The following VASH1 variants were observed in gnomAD, a reference collection of about 807,000 sequenced individuals.
The protein encoded by VASH1 is tubulinyl-Tyr carboxypeptidase 1.
Under a neutral mutation model 35.0 loss-of-function variants are expected in VASH1, and 16 were observed. The observed-to-expected ratio is 0.46, with a 90% CI of 0.31 to 0.70. The LOEUF is 0.70. VASH1 is among the 30% of genes least tolerant of loss of function. VASH1 has a pLI of 0.05. For synonymous variants in VASH1, 214 were observed against 200.9 expected (o/e 1.07, Z -0.55); for missense variants, 505 against 510.7 (o/e 0.99, Z 0.11).
chr14:76,776,678 T>C (rs1893955111), intron 5 of VASH1, among the ~76,000 whole-genome samples: 2 of 152,038 alleles, frequency 1.3e-5, no homozygotes, highest in Non-Finnish European at 2.9e-5. Context: ...TGGAAGACAA[T>C]GAGGGCAGTG....
Position 76,762,524 on chromosome 14 carries a change from GT to G in VASH1, c.-296del. 1 of 260,310 alleles carries G rather than the reference GT, an allele frequency of 3.8e-6. No homozygotes were observed. 16.1% of individuals were successfully genotyped at this position (260,310 alleles called of 1,614,324 possible). ...ACTGCTGCCCGTCATTGTTCTCGCA[GT>G]TAGATGGGGGTGCTTTGTGACGGCT... On this transcript the variant is annotated 5_prime_UTR_variant, in exon 1 of 7. Transcript: ENST00000167106.
chr14:76,762,159 A>C lies in VASH1; in HGVS notation c.-663A>C, dbSNP rs1893520700. The C allele has an allele frequency of 6.6e-6, 1 of 151,910 alleles. No homozygotes were observed. The highest frequency in any genetic ancestry group is 1.5e-5 in the Non-Finnish European group (1 of 67,950). The allele number at this position is 151,910 out of a possible 1,614,324, so 9.4% of individuals were successfully genotyped here. On this transcript the variant is annotated 5_prime_UTR_variant, in exon 1 of 7. Coordinates refer to ENST00000167106, the MANE Select transcript of VASH1 (RefSeq NM_014909.5). ...TGCAGGGAGTTGGCCGCAGGCGGGG[A>C]ATGTGCGCGTCGGCGCGCGCCCCCT...
chr14:76,776,524 T>C (rs1403463526), intron 5 of VASH1, among the ~76,000 whole-genome samples: 2 of 152,032 alleles, frequency 1.3e-5, no homozygotes, highest in Non-Finnish European at 2.9e-5. Flanking sequence ...TGGTGGAGAA[T>C]CACGGCCTGT....
chr14:76,767,331 T>C (rs547421125), intron 1 of VASH1, among the ~76,000 whole-genome samples: 2 of 152,242 alleles, frequency 1.3e-5, no homozygotes, highest in East Asian at 1.9e-4. Context: ...ATAGTGATGA[T>C]CTAGTTGGAG....
At chr14:76,777,516 A>T (rs182146371) in intron 5 of VASH1, among the ~76,000 whole-genome samples, 1 of 151,824 alleles carries the variant, frequency 6.6e-6, no homozygotes, top group African/African-American at 2.4e-5. Context: ...ATAAAGGATG[A>T]CTCTTTTGTT....
intron 1 of VASH1, 124 bp downstream of exon 1, chr14:76,763,254 T>C: frequency 9.8e-7 from 1 of 1,016,320 alleles, no homozygotes; most frequent in South Asian, 3.4e-5. Flanking sequence ...ATCTTTAAAA[T>C]GCAGTGATAT....
chr14:76,775,279 A>G (rs896061308), intron 4 of VASH1, among the ~76,000 whole-genome samples: 1 of 152,166 alleles, frequency 6.6e-6, no homozygotes, highest in Non-Finnish European at 1.5e-5. Flanking sequence ...TTTGGCAGGC[A>G]GGGGAAAAGG....
chr14:76,768,664 G>C (rs1329245766), intron 1 of VASH1, among the ~76,000 whole-genome samples: 1 of 152,080 alleles, frequency 6.6e-6, no homozygotes, highest in African/African-American at 2.4e-5. Flanking sequence ...TAAAAAGCTG[G>C]GCTGGCATCT....
In VASH1 at chr14:76,761,603, T is replaced by G. The variant is rs888705748; in HGVS notation, c.-1219T>G. Among the ~76,000 whole-genome samples, 4 of 151,908 alleles carry G rather than the reference T, an allele frequency of 2.6e-5. No individual in the cohort carries two copies. Among genetic ancestry groups the G allele is most frequent in the Non-Finnish European group, 4.4e-5 (3 of 67,950 alleles). On this transcript the variant is annotated 5_prime_UTR_variant, in exon 1 of 7. Coordinates refer to ENST00000167106, the MANE Select transcript of VASH1 (RefSeq NM_014909.5). Reference sequence around the variant, plus strand: ...CAGCGATCGGCTGGTGGGCTTCTCGTTGGCGGGCTCCGCGTTGGCGGGCTG... The same window carrying G: ...CAGCGATCGGCTGGTGGGCTTCTCGGTGGCGGGCTCCGCGTTGGCGGGCTG...
chr14:76,776,345 T>C (rs1893943990), intron 5 of VASH1, 72 bp downstream of exon 5: 4 of 1,462,618 alleles, frequency 2.7e-6, no homozygotes, highest in Non-Finnish European at 3.6e-6. Flanking sequence ...GATGTGAGGA[T>C]TGAGAGGACT....
rs1024409355 is a variant in VASH1 at position 76,762,829 on chromosome 14, G to C, written c.8G>C (p.Gly3Ala). The stretch of plus-strand genomic sequence containing the variant: ...CCCCTCGAAGATTTAGGGATGCCAG[G>C]GGGGAAGAAGGTGGCTGGGGGTGGC... Reference protein sequence around the residue: MPGGKKVAGGGSS... With the variant: MPAGKKVAGGGSS... Residue 3 changes from glycine (G) to alanine (A), a missense_variant, in exon 1 of 7, where the codon GGG becomes GCG. By Grantham distance (60) the Gly-to-Ala change is moderately conservative. Transcript: ENST00000167106. 2.7e-6 allele frequency: 4 copies of C among 1,491,016 alleles called. No homozygotes were observed. The East Asian group carries it at 7.2e-5, about 27-fold the overall frequency. The allele number at this position is 1,491,016 out of a possible 1,614,324, so 92.4% of individuals were successfully genotyped here. A position where few individuals can be genotyped will look rare whatever the true frequency, so the allele number is the denominator to read the frequency against.
At position 76,778,038 on chromosome 14, in the gene VASH1, GC is replaced by G; in HGVS notation, c.997del (p.His333ThrfsTer65). On this transcript the variant is annotated frameshift_variant, in exon 6 of 7. Transcript: ENST00000167106. LOFTEE classifies it high-confidence loss of function. The stretch of plus-strand genomic sequence containing the variant: ...TCTTCCCCGCAGCGGGCCCAGTCCA[GC>G]CCCCACCGCAGGAACAGCCGCAGTG... The part of the protein sequence containing the change: ...DVSSPQRAQS[S>X]PHRRNSRSER... 6.6e-7 allele frequency: 1 copy of G among 1,524,640 alleles called. No homozygotes were observed. 94.4% of individuals were successfully genotyped at this position (1,524,640 alleles called of 1,614,324 possible).
intron 4 of VASH1, 39 bp from the exon 5 acceptor site, chr14:76,775,853 T>C: frequency 6.6e-7 from 1 of 1,511,384 alleles, no homozygotes; most frequent in Non-Finnish European, 8.9e-7. Flanking sequence ...GCTGGCCCCG[T>C]GCTTCTCCTG....
intron 1 of VASH1, among the ~76,000 whole-genome samples, chr14:76,765,341 T>G (rs1595267354): frequency 6.6e-6 from 1 of 151,938 alleles, no homozygotes; most frequent in Admixed American, 6.6e-5. Context: ...ATCGCTAGGG[T>G]AGAAGGAATT....
chr14:76,769,100 T>C (rs1893722105), intron 1 of VASH1, among the ~76,000 whole-genome samples: 1 of 152,158 alleles, frequency 6.6e-6, no homozygotes, highest in Non-Finnish European at 1.5e-5. Context: ...AATGGTCTCT[T>C]TTCTGGAGAC....
At position 76,781,929 on chromosome 14, in the gene VASH1, G is replaced by A. The variant is rs1894119896; in HGVS notation, c.*2911G>A. On this transcript the variant is annotated 3_prime_UTR_variant, in exon 7 of 7. Coordinates refer to ENST00000167106, the MANE Select transcript of VASH1 (RefSeq NM_014909.5). ...CTCATCTCACTTCCTGTGAGGGACA[G>A]GGCCTGGCTGATGTGATCCCAGCTC... The A allele has an allele frequency of 6.6e-6, 1 of 152,554 alleles. No individual in the cohort carries two copies. Among genetic ancestry groups the A allele is most frequent in the Non-Finnish European group, 1.5e-5 (1 of 68,172 alleles). 9.5% of individuals were successfully genotyped at this position (152,554 alleles called of 1,614,324 possible).
At chr14:76,769,600 C>T in intron 1 of VASH1, 1 of 618,298 alleles carries the variant, frequency 1.6e-6, no homozygotes, top group Non-Finnish European at 2.4e-6. Flanking sequence ...AAACTTCAAA[C>T]CTAAAATAAC....
rs1468944008 is a variant in VASH1, at chr14:76,777,409, A to T, written c.913-550A>T. Among the ~76,000 whole-genome samples the T allele has an allele frequency of 2.6e-5, 4 of 152,166 alleles. No homozygotes were observed. The South Asian group carries it at 8.3e-4, about 31-fold the overall frequency. ...TCCCTAGTGTTTAGAGCTGTGATGG[A>T]TTCCCAGCCTATTCAGTGCTAAACA... On this transcript the variant is annotated intron_variant, in intron 5 of 6. Coordinates refer to ENST00000167106, the MANE Select transcript of VASH1 (RefSeq NM_014909.5).
In VASH1 at chr14:76,778,104, A is replaced by G. The variant is rs1316200248; in HGVS notation, c.1025+33A>G. ...AGGGACCACGCCTGGGTGGGTCCAA[A>G]GAGGGTTTTTTTCCTTTCCTCTCAT... On this transcript the variant is annotated intron_variant, in intron 6 of 6. Coordinates refer to ENST00000167106, the MANE Select transcript of VASH1 (RefSeq NM_014909.5). The G allele has an allele frequency of 2.2e-6, 3 of 1,394,540 alleles. No homozygotes were observed. In the East Asian group the frequency reaches 9.2e-5, roughly 43 times the overall value. 86.4% of individuals were successfully genotyped at this position (1,394,540 alleles called of 1,614,324 possible).
Sources: allele counts gnomAD v4.1 joint callset (sites outside exome capture counted in the v4.1 genomes callset), GRCh38; gene constraint gnomAD v4.1.1; transcripts MANE v1.5; gene names NCBI Gene and HGNC (gene_info 2026-07-23, HGNC 2026-07-21).